The following NRXN1 variants were observed in gnomAD, a reference collection of about 807,000 sequenced individuals.
NRXN1 encodes neurexin 1, also known as neurexin-1.
A neutral mutation model predicts 150.9 loss-of-function variants in NRXN1; 39 were observed. The ratio of observed to expected loss-of-function variants is 0.26; its 90% CI spans 0.20 to 0.34. The LOEUF is 0.34. Ranked by LOEUF, NRXN1 falls within the 10% of genes least tolerant of loss-of-function variation. The pLI, the probability that NRXN1 is intolerant of heterozygous loss-of-function variation, is 1.00. For missense variants in NRXN1, 1,815 were observed against 1,949.9 expected, an observed-to-expected ratio of 0.93 and a Z score of 1.30; for synonymous variants, 924 against 757.0, an observed-to-expected ratio of 1.22 and a Z score of -3.62.
rs112603561 is a variant in NRXN1, at chr2:50,164,503, C to G, written c.3546+72286G>C. Among the ~76,000 whole-genome samples, 22 of 152,218 alleles carry G rather than the reference C, an allele frequency of 1.4e-4. 1 individual carries two copies. The highest frequency in any genetic ancestry group is 5.3e-4 in the African/African-American group (22 of 41,552). On this transcript the variant is annotated intron_variant, in intron 18 of 22. Transcript: ENST00000401669. ...ATCCTTGATAGTCATTTTTAATTGGCAATTATTGAGTACACACAGTGCAGC... is the reference window on the plus strand; with the variant it reads ...ATCCTTGATAGTCATTTTTAATTGGGAATTATTGAGTACACACAGTGCAGC...
chr2:50,926,022 C>T, intron 2 of NRXN1, 67 bp from the exon 3 acceptor site: 2 of 1,324,580 alleles, frequency 1.5e-6, no homozygotes, highest in Non-Finnish European at 2.1e-6. Flanking sequence ...CAGACTGGAC[C>T]TTGCCTTTGC....
At chr2:50,775,793 T>A (rs1703548681) in intron 5 of NRXN1, among the ~76,000 whole-genome samples, 1 of 152,116 alleles carries the variant, frequency 6.6e-6, no homozygotes. Context: ...GTCTTAACAT[T>A]TTGGTCTCTT....
intron 22 of NRXN1, chr2:49,926,173 C>T (rs1256837591): frequency 2.5e-6 from 1 of 393,616 alleles, no homozygotes; most frequent in East Asian, 3.6e-5. Context: ...TAGAGCAGTA[C>T]AACAGTTATG....
intron 2 of NRXN1, among the ~76,000 whole-genome samples, chr2:50,966,356 AC>A (rs1377423698): frequency 2.0e-5 from 3 of 150,918 alleles, no homozygotes; most frequent in African/African-American, 7.3e-5. Flanking sequence ...AAAAAAAAAA[AC>A]TCTAATAACA....
chr2:50,836,147 T>C (rs1672072529), intron 5 of NRXN1, among the ~76,000 whole-genome samples: 1 of 152,138 alleles, frequency 6.6e-6, no homozygotes. Flanking sequence ...TAATGTATGG[T>C]TTTCTTCTTG....
At chr2:50,999,602 A>T (rs762192991) in intron 2 of NRXN1, among the ~76,000 whole-genome samples, 9 of 152,076 alleles carry the variant, frequency 5.9e-5, no homozygotes, top group Non-Finnish European at 8.8e-5. Context: ...TATTTCTCAG[A>T]CCAGCTGACA....
At chr2:50,167,531 C>T (rs1454006092) in intron 18 of NRXN1, among the ~76,000 whole-genome samples, 5 of 151,632 alleles carry the variant, frequency 3.3e-5, no homozygotes, top group South Asian at 2.1e-4. Context: ...TTTAAAAATG[C>T]CTTTTCCTAA....
chr2:50,860,056 T>G (rs1270799253), intron 5 of NRXN1, among the ~76,000 whole-genome samples: 1 of 151,994 alleles, frequency 6.6e-6, no homozygotes, highest in South Asian at 2.1e-4. Context: ...GCATGGAAAA[T>G]TATCCTCATT....
chr2:50,583,425 T>G (rs1344946149), intron 8 of NRXN1, among the ~76,000 whole-genome samples: 1 of 152,152 alleles, frequency 6.6e-6, no homozygotes, highest in Admixed American at 6.6e-5. Flanking sequence ...AAAATCCTCC[T>G]CTGGGATTCT....
intron 5 of NRXN1, among the ~76,000 whole-genome samples, chr2:50,905,407 G>C (rs760378933): frequency 8.5e-5 from 13 of 152,136 alleles, no homozygotes; most frequent in Non-Finnish European, 1.8e-4. Context: ...TAGGGAGTAA[G>C]AGAGCCTAGG....
rs148020644 is a variant in NRXN1, at chr2:50,415,832, T to TAA, written c.3364+49608_3364+49609dup. Among the ~76,000 whole-genome samples the TAA allele has an allele frequency of 5.4e-4, 80 of 147,504 alleles. 1 individual carries two copies. The highest frequency in any genetic ancestry group is 2.0e-3 in the African/African-American group (79 of 40,224). ...CACAATGTGATATGCTAAATTACAT[T>TAA]AAAAAAAAACAGAAAAAAATAGACA... is the stretch of plus-strand genomic sequence containing the variant. On this transcript the variant is annotated intron_variant, in intron 17 of 22. Transcript: ENST00000401669.
intron 12 of NRXN1, among the ~76,000 whole-genome samples, chr2:50,519,133 A>C (rs1045020748): frequency 3.3e-5 from 5 of 151,916 alleles, no homozygotes; most frequent in African/African-American, 1.2e-4. Flanking sequence ...TGATTGTTCA[A>C]ATGAAGGCTA....
At chr2:50,865,828 A>T (rs765052004) in intron 5 of NRXN1, among the ~76,000 whole-genome samples, 27 of 151,174 alleles carry the variant, frequency 1.8e-4, no homozygotes, top group Admixed American at 6.6e-4. Flanking sequence ...GGTGCTAGTC[A>T]TATTTATATT....
intron 5 of NRXN1, among the ~76,000 whole-genome samples, chr2:50,774,265 C>A (rs1201530504): frequency 6.6e-6 from 1 of 152,012 alleles, no homozygotes; most frequent in East Asian, 1.9e-4. Flanking sequence ...AAAAACTAAA[C>A]CAAACTTACT....
intron 2 of NRXN1, among the ~76,000 whole-genome samples, chr2:50,964,480 T>C (rs573759138): frequency 6.6e-6 from 1 of 151,548 alleles, no homozygotes. Flanking sequence ...ATTTAAAAGA[T>C]GTAAACATTG....
intron 5 of NRXN1, among the ~76,000 whole-genome samples, chr2:50,689,115 A>C (rs1194775781): frequency 6.6e-6 from 1 of 152,142 alleles, no homozygotes; most frequent in Non-Finnish European, 1.5e-5. Flanking sequence ...CCACCTCAAA[A>C]CCTTTTAAAT....
intron 5 of NRXN1, among the ~76,000 whole-genome samples, chr2:50,671,858 C>T (rs1278207153): frequency 6.6e-6 from 1 of 151,656 alleles, no homozygotes. Context: ...GGAAATTTTC[C>T]ATCAGTGTTT....
At chr2:50,531,912 C>CTCA (rs2093126256) in intron 10 of NRXN1, among the ~76,000 whole-genome samples, 2 of 152,060 alleles carry the variant, frequency 1.3e-5, no homozygotes, top group East Asian at 3.9e-4. Context: ...GTGACAGGAT[C>CTCA]TCAGCTCACT....
chr2:50,870,972 G>A (rs1677694352), intron 5 of NRXN1, among the ~76,000 whole-genome samples: 1 of 151,646 alleles, frequency 6.6e-6, no homozygotes, highest in African/African-American at 2.4e-5. Flanking sequence ...GAGGTGCTGT[G>A]GGATTTTAAA....
Sources: allele counts gnomAD v4.1 joint callset (sites outside exome capture counted in the v4.1 genomes callset), GRCh38; gene constraint gnomAD v4.1.1; transcripts MANE v1.5; gene names NCBI Gene and HGNC (gene_info 2026-07-23, HGNC 2026-07-21).